The following RB1 variants were observed in gnomAD, a reference collection of about 807,000 sequenced individuals.
The protein encoded by RB1 is RB transcriptional corepressor 1, also known as retinoblastoma-associated protein.
A neutral mutation model predicts 135.4 loss-of-function variants in RB1; 18 were observed. The ratio of observed to expected loss-of-function variants is 0.13; its 90% CI spans 0.09 to 0.20. The LOEUF is 0.20. RB1 is among the 10% of genes least tolerant of loss of function. The pLI is 1.00. For missense variants in RB1, 868 were observed against 1,110.0 expected, an observed-to-expected ratio of 0.78 and a Z score of 3.10; for synonymous variants, 365 against 373.2, an observed-to-expected ratio of 0.98 and a Z score of 0.25.
chr13:48,396,840 G>T (rs1448679657), intron 17 of RB1, among the ~76,000 whole-genome samples: 1 of 152,264 alleles, frequency 6.6e-6, no homozygotes, highest in Non-Finnish European at 1.5e-5. Context: ...TGAAGGATAT[G>T]AACAGACACT....
chr13:48,408,928 A>G (rs1317384254), intron 17 of RB1, among the ~76,000 whole-genome samples: 1 of 152,152 alleles, frequency 6.6e-6, no homozygotes, highest in Non-Finnish European at 1.5e-5. Context: ...TCAAAGTTAT[A>G]CAATTCTCCA....
intron 2 of RB1, among the ~76,000 whole-genome samples, chr13:48,335,441 G>A (rs1040169833): frequency 4.6e-5 from 7 of 152,044 alleles, no homozygotes; most frequent in Non-Finnish European, 1.0e-4. Flanking sequence ...CAAGCATGCA[G>A]TTCTGTTACT....
At chr13:48,440,899 G>T (rs772527391) in intron 17 of RB1, among the ~76,000 whole-genome samples, 2 of 152,128 alleles carry the variant, frequency 1.3e-5, no homozygotes, top group Non-Finnish European at 2.9e-5. Flanking sequence ...TGCTAAGAAT[G>T]CCCTATATTG....
intron 1 of RB1, among the ~76,000 whole-genome samples, chr13:48,304,388 C>G (rs1952059771): frequency 6.6e-6 from 1 of 152,078 alleles, no homozygotes; most frequent in Non-Finnish European, 1.5e-5. Context: ...AATAAAAATA[C>G]AAAAATGGTG....
intron 17 of RB1, chr13:48,404,174 C>T (rs1291109513): frequency 6.6e-6 from 1 of 152,080 alleles, no homozygotes; most frequent in African/African-American, 2.4e-5. Flanking sequence ...ATTTTGTGTA[C>T]ACTTACAGAC....
At chr13:48,364,707 C>T (rs1267515697) in intron 8 of RB1, among the ~76,000 whole-genome samples, 187 bp from the exon 9 acceptor site, 2 of 152,106 alleles carry the variant, frequency 1.3e-5, no homozygotes, top group African/African-American at 4.8e-5. Flanking sequence ...ATAGCCACTA[C>T]ACTTCAGCCT....
rs1949538315 is a variant in RB1 at position 48,481,557 on chromosome 13, C to T, written c.*1486C>T. On this transcript the variant is annotated 3_prime_UTR_variant, in exon 27 of 27. Transcript: ENST00000267163. ...TGTGCTCATTTAAGTTTCAAACTTA[C>T]TATTTTGACAGTTATTTTGATAACA... 4.3e-6 allele frequency: 1 copy of T among 230,230 alleles called. No individual in the cohort carries two copies. Among genetic ancestry groups the T allele is most frequent in the Non-Finnish European group, 8.6e-6 (1 of 116,130 alleles). 14.3% of individuals were successfully genotyped at this position (230,230 alleles called of 1,614,324 possible).
At chr13:48,383,339 G>T (rs755247854) in intron 17 of RB1, among the ~76,000 whole-genome samples, 2 of 152,022 alleles carry the variant, frequency 1.3e-5, no homozygotes, top group Non-Finnish European at 2.9e-5. Context: ...TTTAATAAAA[G>T]TGGCAACTTG....
intron 11 of RB1, among the ~76,000 whole-genome samples, chr13:48,370,980 T>G (rs982766773): frequency 6.6e-6 from 1 of 152,186 alleles, no homozygotes; most frequent in Non-Finnish European, 1.5e-5. Flanking sequence ...ACGAGTTGTA[T>G]GTCAGGATAT....
chr13:48,341,424 T>A (rs1952441989), intron 2 of RB1: 1 of 152,018 alleles, frequency 6.6e-6, no homozygotes, highest in Admixed American at 6.6e-5. Flanking sequence ...TGGGTATGAA[T>A]ATCTGGGAGT....
intron 17 of RB1, among the ~76,000 whole-genome samples, chr13:48,431,634 T>C (rs1949130588): frequency 6.6e-6 from 1 of 152,182 alleles, no homozygotes; most frequent in African/African-American, 2.4e-5. Flanking sequence ...TTTGAGGGTT[T>C]CCTGTCTATA....
At chr13:48,337,387 G>A (rs1253478788) in intron 2 of RB1, among the ~76,000 whole-genome samples, 2 of 152,274 alleles carry the variant, frequency 1.3e-5, no homozygotes, top group Admixed American at 6.5e-5. Flanking sequence ...TATATATTTA[G>A]GATAGTTAGT....
chr13:48,338,326 T>C (rs1379109399), intron 2 of RB1, among the ~76,000 whole-genome samples: 1 of 152,238 alleles, frequency 6.6e-6, no homozygotes, highest in East Asian at 1.9e-4. Context: ...CAATCAGATG[T>C]AGATTTGGTC....
At position 48,464,998 on chromosome 13, in the gene RB1, A is replaced by G. The variant is rs1949429906; in HGVS notation, c.2212A>G (p.Thr738Ala). The G allele has an allele frequency of 6.9e-7, 1 of 1,458,272 alleles. No individual in the cohort carries two copies. The highest frequency in any genetic ancestry group is 9.4e-7 in the Non-Finnish European group (1 of 1,068,814). 90.3% of individuals were successfully genotyped at this position (1,458,272 alleles called of 1,614,324 possible). Residue 738 changes from threonine (T) to alanine (A), a missense_variant and splice_region_variant, in exon 22 of 27, where the codon ACA (threonine) becomes GCA (alanine). Thr to Ala is a moderately conservative substitution (Grantham distance 58). This residue lies in a region of RB1 where 196 missense variants were observed against 239.8 expected (regional missense o/e 0.82). Coordinates refer to ENST00000267163, the MANE Select transcript of RB1 (RefSeq NM_000321.3). ...TTTTTTTTTTACTGTTCTTCCTCAGACATTCAAACGTGTTTTGATCAAAGA... is the reference window on the plus strand; with the variant it reads ...TTTTTTTTTTACTGTTCTTCCTCAGGCATTCAAACGTGTTTTGATCAAAGA... ...YKDLPHAVQE[T>A]FKRVLIKEEE...
At position 48,317,009 on chromosome 13, in the gene RB1, G is replaced by A. The variant is rs1952190126; in HGVS notation, c.264+9603G>A. The A allele has an allele frequency of 9.3e-6, 5 of 535,650 alleles. No individual in the cohort carries two copies. In the South Asian group the frequency reaches 1.2e-4, roughly 13 times the overall value. The allele number at this position is 535,650 out of a possible 1,614,324, so 33.2% of individuals were successfully genotyped here. A position where few individuals can be genotyped will look rare whatever the true frequency, so the allele number is the denominator to read the frequency against. ...TTCGTCAATACCTCAGGTCTAAAAT[G>A]CTTTCCTCCGAGCCCGAGTTCCTCC... On this transcript the variant is annotated intron_variant, in intron 2 of 26. Coordinates refer to ENST00000267163, the MANE Select transcript of RB1 (RefSeq NM_000321.3).
chr13:48,348,825 C>A, intron 5 of RB1, 131 bp from the exon 6 acceptor site: 1 of 1,031,436 alleles, frequency 9.7e-7, no homozygotes, highest in Non-Finnish European at 1.4e-6. Flanking sequence ...GGACTGCATT[C>A]TATTATGCAT....
intron 6 of RB1, among the ~76,000 whole-genome samples, chr13:48,354,556 A>G (rs1446041299): frequency 6.6e-6 from 1 of 152,164 alleles, no homozygotes; most frequent in Non-Finnish European, 1.5e-5. Context: ...AATACCAATG[A>G]CATTCTTCAC....
chr13:48,327,568 C>A (rs1364407364), intron 2 of RB1, among the ~76,000 whole-genome samples: 1 of 152,076 alleles, frequency 6.6e-6, no homozygotes, highest in Non-Finnish European at 1.5e-5. Flanking sequence ...AAAACAAATG[C>A]CCATGAAGAA....
At position 48,342,592 on chromosome 13, in the gene RB1, TTCC is replaced by T. The variant is rs780733860; in HGVS notation, c.265-6_265-4del. The T allele has an allele frequency of 1.1e-5, 17 of 1,511,392 alleles. No individual in the cohort carries two copies. In the East Asian group the frequency reaches 1.4e-4, roughly 12 times the overall value. 93.6% of individuals were successfully genotyped at this position (1,511,392 alleles called of 1,614,324 possible). A position where few individuals can be genotyped will look rare whatever the true frequency, so the allele number is the denominator to read the frequency against. On this transcript the variant is annotated splice_region_variant and splice_polypyrimidine_tract_variant and intron_variant, in intron 2 of 26. Coordinates refer to ENST00000267163, the MANE Select transcript of RB1 (RefSeq NM_000321.3). ...TGAAATATTTGATCTTTATTTTTTG[TTCC>T]CAGGGAGGTTATATTCAAAAGAAAA...
Sources: allele counts gnomAD v4.1 joint callset (sites outside exome capture counted in the v4.1 genomes callset), GRCh38; gene constraint gnomAD v4.1.1; regional missense constraint gnomAD v4.1.1; transcripts MANE v1.5; gene names NCBI Gene and HGNC (gene_info 2026-07-23, HGNC 2026-07-21).